The following ZNF438 variants were observed in gnomAD, a reference collection of about 807,000 sequenced individuals.
The protein encoded by ZNF438 is zinc finger protein 438.
ZNF438 carries 25 observed loss-of-function variants against 38.0 expected under a neutral mutation model. The observed-to-expected ratio is 0.66, with a 90% CI of 0.48 to 0.92. The LOEUF is 0.92. ZNF438 is among the 40% of genes least tolerant of loss of function. The pLI is 0.00. For synonymous variants in ZNF438, 372 were observed against 364.1 expected (o/e 1.02, Z -0.25); for missense variants, 1,007 against 999.6 (o/e 1.01, Z -0.10).
intron 1 of ZNF438, among the ~76,000 whole-genome samples, chr10:31,020,155 T>A (rs1036438724): frequency 6.6e-5 from 10 of 152,168 alleles, no homozygotes; most frequent in Admixed American, 6.5e-4. Context: ...ACAAGAATAA[T>A]GCTAGTAACC....
Position 30,926,942 on chromosome 10 carries a change from C to G in ZNF438, c.-115+14633G>C, listed in dbSNP as rs1389192138. On this transcript the variant is annotated intron_variant, in intron 2 of 5. Transcript: ENST00000413025. The stretch of plus-strand genomic sequence containing the variant: ...GTAGGTTAATTTTCCGATGGCCATA[C>G]AAGAGTCTCCGGTAAGTTGAGAGAG... 1.3e-5 allele frequency among the ~76,000 whole-genome samples: 2 copies of G among 152,056 alleles called. 1 individual carries two copies. The highest frequency in any genetic ancestry group is 2.9e-5 in the Non-Finnish European group (2 of 68,030).
chr10:30,989,215 T>C (rs1449505858), intron 1 of ZNF438, among the ~76,000 whole-genome samples: 1 of 152,216 alleles, frequency 6.6e-6, no homozygotes, highest in African/African-American at 2.4e-5. Flanking sequence ...TTCCTTAAAA[T>C]AAACTCTATA....
At chr10:31,027,515 T>C (rs962103999) in intron 1 of ZNF438, among the ~76,000 whole-genome samples, 13 of 152,184 alleles carry the variant, frequency 8.5e-5, no homozygotes, top group Non-Finnish European at 1.8e-4. Context: ...TGCTGGGAGC[T>C]ACCTGACACA....
intron 1 of ZNF438, among the ~76,000 whole-genome samples, chr10:30,949,951 T>C (rs961909480): frequency 3.3e-5 from 5 of 152,200 alleles, no homozygotes; most frequent in African/African-American, 9.7e-5. Context: ...TACATTTTTT[T>C]TCAGCACCAC....
chr10:30,993,182 C>T (rs746383082), intron 1 of ZNF438, among the ~76,000 whole-genome samples: 12 of 152,188 alleles, frequency 7.9e-5, no homozygotes, highest in Non-Finnish European at 1.5e-4. Context: ...CATATTGATA[C>T]AAGGGACCCA....
At chr10:30,943,489 G>A (rs1446357241) in intron 1 of ZNF438, among the ~76,000 whole-genome samples, 1 of 152,144 alleles carries the variant, frequency 6.6e-6, no homozygotes, top group Non-Finnish European at 1.5e-5. Context: ...ACAGAAAAGA[G>A]GGGCTTTTAG....
chr10:30,947,858 G>A (rs563018216), intron 1 of ZNF438, among the ~76,000 whole-genome samples: 2 of 150,492 alleles, frequency 1.3e-5, no homozygotes, highest in South Asian at 4.2e-4. Flanking sequence ...CTTCCCAAGT[G>A]AGGCAATGCC....
At chr10:30,869,626 T>C (rs1466911406) in intron 4 of ZNF438, among the ~76,000 whole-genome samples, 2 of 152,212 alleles carry the variant, frequency 1.3e-5, no homozygotes, top group Non-Finnish European at 2.9e-5. Flanking sequence ...AACATACTAA[T>C]AATGCACAAT....
intron 1 of ZNF438, among the ~76,000 whole-genome samples, chr10:31,019,144 CAG>C (rs1326227526): frequency 2.6e-5 from 4 of 152,126 alleles, no homozygotes; most frequent in African/African-American, 9.7e-5. Flanking sequence ...CCATAGTCAT[CAG>C]AGTTTCTTTA....
chr10:31,013,234 G>A (rs2055882217), intron 1 of ZNF438, among the ~76,000 whole-genome samples: 1 of 152,076 alleles, frequency 6.6e-6, no homozygotes, highest in African/African-American at 2.4e-5. Flanking sequence ...CAGGAGAATG[G>A]CGTGAACCCG....
chr10:30,978,935 T>A (rs2051763857), intron 1 of ZNF438, among the ~76,000 whole-genome samples: 1 of 152,208 alleles, frequency 6.6e-6, no homozygotes, highest in Admixed American at 6.5e-5. Context: ...GAAAGTCTTA[T>A]ATGATATCGT....
chr10:30,942,414 T>G (rs1427902161), intron 1 of ZNF438, among the ~76,000 whole-genome samples: 2 of 152,208 alleles, frequency 1.3e-5, no homozygotes, highest in African/African-American at 4.8e-5. Context: ...AGATCTATTT[T>G]GTTACTACGG....
At chr10:30,893,948 C>A (rs112770999) in intron 3 of ZNF438, among the ~76,000 whole-genome samples, 32 of 152,248 alleles carry the variant, frequency 2.1e-4, no homozygotes, top group African/African-American at 7.2e-4. Context: ...GTGACCCTAG[C>A]TAAATTTATT....
chr10:30,940,533 G>GA (rs1237689593), intron 2 of ZNF438, among the ~76,000 whole-genome samples: 2 of 152,170 alleles, frequency 1.3e-5, no homozygotes, highest in African/African-American at 4.8e-5. Flanking sequence ...GAAGAACAAT[G>GA]AGAGTTCAGA....
chr10:30,866,196 TG>T (rs1188079281), intron 4 of ZNF438, among the ~76,000 whole-genome samples: 2 of 152,192 alleles, frequency 1.3e-5, no homozygotes, highest in Non-Finnish European at 2.9e-5. Context: ...TCAGAGTACA[TG>T]TCTGCTGCAT....
At chr10:31,027,865 T>C (rs911019787) in intron 1 of ZNF438, among the ~76,000 whole-genome samples, 26 of 152,270 alleles carry the variant, frequency 1.7e-4, no homozygotes, top group African/African-American at 6.0e-4. Flanking sequence ...TATAATTTTA[T>C]ATATTTTTAA....
chr10:30,998,749 TTC>T (rs1245167810), intron 1 of ZNF438, among the ~76,000 whole-genome samples: 1 of 152,068 alleles, frequency 6.6e-6, no homozygotes, highest in African/African-American at 2.4e-5. Flanking sequence ...CTCTTTTACT[TTC>T]TGTTTATAAC....
At chr10:30,923,793 A>T (rs898718487) in intron 2 of ZNF438, among the ~76,000 whole-genome samples, 2 of 152,218 alleles carry the variant, frequency 1.3e-5, no homozygotes, top group Admixed American at 1.3e-4. Flanking sequence ...AGGAATCTGT[A>T]TGTGATTTTG....
At chr10:30,886,582 G>C (rs542255711) in intron 3 of ZNF438, among the ~76,000 whole-genome samples, 38 of 152,160 alleles carry the variant, frequency 2.5e-4, no homozygotes, top group Non-Finnish European at 4.7e-4. Context: ...TTAGCCTATA[G>C]TTAGGCAAAA....
Sources: gnomAD v4.1 joint callset for allele counts (sites outside exome capture counted in the v4.1 genomes callset) on GRCh38, gnomAD v4.1.1 for gene constraint, MANE v1.5 for transcripts, NCBI Gene and HGNC (gene_info 2026-07-23, HGNC 2026-07-21) for gene names.